Variants in SLIT2 observed in about 807,000 individuals in gnomAD.
SLIT2 encodes slit homolog 2 protein.
SLIT2 carries 41 observed loss-of-function variants against 185.7 expected under a neutral mutation model. The ratio of observed to expected loss-of-function variants is 0.22; its 90% CI spans 0.17 to 0.29. The LOEUF (loss-of-function observed/expected upper bound fraction) is 0.29. SLIT2 is among the 10% of genes least tolerant of loss of function. The pLI is 1.00. For missense variants in SLIT2, 1,571 were observed against 1,909.0 expected, an observed-to-expected ratio of 0.82 and a Z score of 3.30; for synonymous variants, 693 against 680.2, an observed-to-expected ratio of 1.02 and a Z score of -0.29.
intron 24 of SLIT2, among the ~76,000 whole-genome samples, chr4:20,550,479 G>T (rs1290793215): frequency 6.6e-6 from 1 of 151,452 alleles, no homozygotes; most frequent in Non-Finnish European, 1.5e-5. Flanking sequence ...ATTTTATGTT[G>T]TCAAAAATTT....
intron 4 of SLIT2, among the ~76,000 whole-genome samples, chr4:20,381,924 CAT>C (rs1724557411): frequency 6.8e-6 from 1 of 147,322 alleles, no homozygotes; most frequent in African/African-American, 2.4e-5. Flanking sequence ...TGTATAAATA[CAT>C]ATGTATTTAT....
intron 5 of SLIT2, among the ~76,000 whole-genome samples, chr4:20,471,114 T>C (rs554868127): frequency 2.4e-3 from 370 of 152,308 alleles, no homozygotes; most frequent in African/African-American, 8.4e-3. Flanking sequence ...ATGAGGGAAA[T>C]ATTAAAATAT....
chr4:20,314,398 C>T (rs1453163117), intron 4 of SLIT2, among the ~76,000 whole-genome samples: 2 of 152,142 alleles, frequency 1.3e-5, no homozygotes, highest in Non-Finnish European at 2.9e-5. Flanking sequence ...ACTTACTCAA[C>T]GGTTTGATAT....
At chr4:20,616,661 G>T in intron 34 of SLIT2, 1 of 394,396 alleles carries the variant, frequency 2.5e-6, no homozygotes, top group Non-Finnish European at 4.6e-6. Context: ...AAATTTTAAA[G>T]ATTAACCACC....
intron 4 of SLIT2, among the ~76,000 whole-genome samples, chr4:20,342,778 G>T: frequency 8.8e-6 from 1 of 114,018 alleles, no homozygotes; most frequent in Non-Finnish European, 1.6e-5. Context: ...TCCATGTGCT[G>T]GAGATACAGG....
At chr4:20,472,382 A>AACAC (rs1560453643) in intron 5 of SLIT2, among the ~76,000 whole-genome samples, 1 of 39,438 alleles carries the variant, frequency 2.5e-5, no homozygotes, top group African/African-American at 1.2e-4. Flanking sequence ...ATATCTATAT[A>AACAC]TATGTAGATA....
intron 25 of SLIT2, among the ~76,000 whole-genome samples, chr4:20,551,699 C>A (rs1174152386): frequency 6.6e-6 from 1 of 152,050 alleles, no homozygotes; most frequent in Non-Finnish European, 1.5e-5. Flanking sequence ...TCAGTTGTGC[C>A]CCAGTTTCCT....
intron 25 of SLIT2, among the ~76,000 whole-genome samples, chr4:20,552,075 C>A (rs1218894987): frequency 6.6e-6 from 1 of 152,148 alleles, no homozygotes; most frequent in South Asian, 2.1e-4. Context: ...CAAGAACCTA[C>A]CTCTAAGTCA....
chr4:20,433,994 A>G (rs1033729680), intron 4 of SLIT2, among the ~76,000 whole-genome samples: 2 of 152,146 alleles, frequency 1.3e-5, no homozygotes, highest in Non-Finnish European at 2.9e-5. Context: ...CTTATCTAAA[A>G]TTTTAATTGA....
At chr4:20,500,511 A>G (rs1036758842) in intron 9 of SLIT2, among the ~76,000 whole-genome samples, 3 of 152,198 alleles carry the variant, frequency 2.0e-5, no homozygotes, top group Non-Finnish European at 4.4e-5. Flanking sequence ...CAGGCAAGCT[A>G]ATATGAAAAC....
At chr4:20,382,386 G>C (rs890261334) in intron 4 of SLIT2, among the ~76,000 whole-genome samples, 7 of 152,090 alleles carry the variant, frequency 4.6e-5, no homozygotes, top group African/African-American at 1.7e-4. Context: ...TGAAAAAGAA[G>C]CAGTAGAGCC....
At chr4:20,594,167 A>G (rs1247746820) in intron 30 of SLIT2, among the ~76,000 whole-genome samples, 1 of 149,716 alleles carries the variant, frequency 6.7e-6, no homozygotes, top group Non-Finnish European at 1.5e-5. Flanking sequence ...GTATGTGTGT[A>G]TATATGTATG....
chr4:20,290,406 T>TGTA (rs1715683047), intron 4 of SLIT2, among the ~76,000 whole-genome samples: 1 of 152,236 alleles, frequency 6.6e-6, no homozygotes, highest in Admixed American at 6.5e-5. Context: ...GCATTTACAT[T>TGTA]ACATTAGTTA....
chr4:20,388,593 G>A (rs895571764), intron 4 of SLIT2, among the ~76,000 whole-genome samples: 1 of 151,812 alleles, frequency 6.6e-6, no homozygotes. Context: ...GGCCAACATG[G>A]CAAAACCCCA....
chr4:20,573,132 C>G (rs887524986), intron 29 of SLIT2: 1 of 690,234 alleles, frequency 1.4e-6, no homozygotes. Context: ...GCTCGCCCAC[C>G]CCTGCTTCTC....
chr4:20,490,891 C>T, intron 8 of SLIT2: 1 of 1,178,598 alleles, frequency 8.5e-7, no homozygotes, highest in Non-Finnish European at 1.2e-6. Context: ...GAATTAGCAG[C>T]TGGCTTGCAG....
chr4:20,478,723 C>T (rs1299783127), intron 5 of SLIT2, among the ~76,000 whole-genome samples: 1 of 152,164 alleles, frequency 6.6e-6, no homozygotes, highest in Non-Finnish European at 1.5e-5. Flanking sequence ...AACAATTTCT[C>T]TTTTGTAGTG....
At chr4:20,391,994 T>A (rs1244945288) in intron 4 of SLIT2, among the ~76,000 whole-genome samples, 2 of 152,100 alleles carry the variant, frequency 1.3e-5, no homozygotes, top group Admixed American at 1.3e-4. Flanking sequence ...ACTATACCTA[T>A]GCTCTTCAGG....
intron 4 of SLIT2, among the ~76,000 whole-genome samples, chr4:20,441,878 A>T (rs577283502): frequency 1.3e-5 from 2 of 152,296 alleles, no homozygotes; most frequent in South Asian, 4.1e-4. Flanking sequence ...GGGAAAAAAC[A>T]TTATCTATGT....
Sources: gnomAD v4.1 joint callset for allele counts (sites outside exome capture counted in the v4.1 genomes callset) on GRCh38, gnomAD v4.1.1 for gene constraint, MANE v1.5 for transcripts, NCBI Gene and HGNC (gene_info 2026-07-23, HGNC 2026-07-21) for gene names.